Variants in ASH1L observed in about 807,000 individuals in gnomAD.
The protein encoded by ASH1L is ASH1 like histone lysine methyltransferase.
A neutral mutation model predicts 269.0 loss-of-function variants in ASH1L; 23 were observed. The observed-to-expected ratio is 0.09, with a 90% CI of 0.06 to 0.12. The LOEUF (loss-of-function observed/expected upper bound fraction) is 0.12, where lower values mean the gene tolerates loss of function less well. ASH1L is among the 10% of genes least tolerant of loss of function. The pLI, the probability that ASH1L is intolerant of heterozygous loss-of-function variation, is 1.00. For synonymous variants in ASH1L, 1,187 were observed against 1,253.5 expected, an observed-to-expected ratio of 0.95 and a Z score of 1.12; for missense variants, 2,912 against 3,567.8, an observed-to-expected ratio of 0.82 and a Z score of 4.68.
intron 1 of ASH1L, among the ~76,000 whole-genome samples, chr1:155,556,830 C>A (rs1441185262): frequency 6.6e-6 from 1 of 152,016 alleles, no homozygotes; most frequent in East Asian, 1.9e-4. Context: ...GGGAGGACTG[C>A]TGAAGTTCGA....
chr1:155,520,714 T>TATGC (rs1668828546), intron 2 of ASH1L, among the ~76,000 whole-genome samples: 1 of 151,656 alleles, frequency 6.6e-6, no homozygotes, highest in South Asian at 2.1e-4. Context: ...AACACAAAAT[T>TATGC]AGCTCGGTGT....
At chr1:155,525,625 T>C (rs959568719) in intron 1 of ASH1L, among the ~76,000 whole-genome samples, 2 of 151,894 alleles carry the variant, frequency 1.3e-5, no homozygotes, top group African/African-American at 2.4e-5. Flanking sequence ...AGAAAAAAAC[T>C]TACGGCACCA....
chr1:155,354,762 A>G lies in ASH1L; in HGVS notation c.7056-132T>C, dbSNP rs1353569614. 4 of 764,134 alleles carry G rather than the reference A, an allele frequency of 5.2e-6. No homozygotes were observed. In the East Asian group the frequency reaches 1.1e-4, roughly 22 times the overall value. The allele number at this position is 764,134 out of a possible 1,614,324, so 47.3% of individuals were successfully genotyped here. On this transcript the variant is annotated intron_variant, in intron 15 of 27. Transcript: ENST00000392403. ...GTTGTAAAGAGAATTATATGGGCAA[A>G]GCATTACTCAATTTTGTATCTTCAA... is the stretch of plus-strand genomic sequence containing the variant.
In ASH1L at chr1:155,481,956, A is replaced by T; in HGVS notation, c.914T>A (p.Val305Glu). ...AAVGLVNKDS[V>E]KKLGTGTTAV... Reference sequence around the variant, plus strand: ...TGTAGTGCCAGTTCCCAGTTTTTTCACAGAGTCCTTATTGACCAATCCTAC... The same window carrying T: ...TGTAGTGCCAGTTCCCAGTTTTTTCTCAGAGTCCTTATTGACCAATCCTAC... The change falls in exon 3 of 28, where the codon GTG becomes GAG. Residue 305 changes from valine (V) to glutamate (E), a missense_variant. Val to Glu is a moderately radical substitution (Grantham distance 121, BLOSUM62 -2). Around this residue, in one of 13 missense-constraint regions of ASH1L, gnomAD observed 277 missense variants for 367.7 expected, o/e 0.75. Coordinates refer to ENST00000392403, the MANE Select transcript of ASH1L (RefSeq NM_018489.3). 1 of 1,614,012 alleles carries T rather than the reference A, an allele frequency of 6.2e-7. No homozygotes were observed. The highest frequency in any genetic ancestry group is 1.1e-5 in the South Asian group (1 of 91,078).
intron 5 of ASH1L, among the ~76,000 whole-genome samples, chr1:155,430,703 T>C (rs917203334): frequency 1.3e-5 from 2 of 152,242 alleles, no homozygotes; most frequent in Admixed American, 1.3e-4. Flanking sequence ...GTTATACATT[T>C]GCCTTATTTT....
In ASH1L at chr1:155,480,644, A is replaced by T. The variant is rs992356952; in HGVS notation, c.2226T>A (p.Phe742Leu). 2 of 1,613,948 alleles carry T rather than the reference A, an allele frequency of 1.2e-6. No individual in the cohort carries two copies. The highest frequency in any genetic ancestry group is 2.2e-5 in the South Asian group (2 of 91,078). ...KGLELERSELFKNVSCSSLSN... is the reference protein window; with the variant it reads ...KGLELERSELLKNVSCSSLSN... ...ATAGTGAGCTACATGAAACGTTTTT[A>T]AAAAGCTCTGATCTTTCTAATTCTA... Residue 742 changes from phenylalanine (F) to leucine (L), a missense_variant, in exon 3 of 28, where the codon TTT (phenylalanine) becomes TTA (leucine). Around this residue, in one of 13 missense-constraint regions of ASH1L, gnomAD observed 715 missense variants for 721.0 expected, o/e 0.99. Transcript: ENST00000392403.
At chr1:155,511,113 C>A (rs1668132711) in intron 2 of ASH1L, among the ~76,000 whole-genome samples, 1 of 152,050 alleles carries the variant, frequency 6.6e-6, no homozygotes, top group Non-Finnish European at 1.5e-5. Flanking sequence ...ATATGTGATA[C>A]ATAAATCATC....
At chr1:155,371,451 G>T (rs2148417228) in intron 10 of ASH1L, among the ~76,000 whole-genome samples, 1 of 152,278 alleles carries the variant, frequency 6.6e-6, no homozygotes, top group East Asian at 1.9e-4. Flanking sequence ...GGGAGGCTGA[G>T]GCAGGAGAGT....
intron 6 of ASH1L, among the ~76,000 whole-genome samples, chr1:155,411,789 C>T (rs918798805): frequency 6.0e-5 from 9 of 150,092 alleles, no homozygotes; most frequent in Non-Finnish European, 1.2e-4. Context: ...CCAAGAAAAC[C>T]CTCACTCCAG....
chr1:155,414,052 A>C (rs1316076087), intron 6 of ASH1L, among the ~76,000 whole-genome samples: 1 of 152,218 alleles, frequency 6.6e-6, no homozygotes, highest in Non-Finnish European at 1.5e-5. Flanking sequence ...TATGGTTTAC[A>C]TGTCAATTAC....
Position 155,484,943 on chromosome 1 carries a change from A to C in ASH1L, c.421-2494T>G, listed in dbSNP as rs1213503846. Among the ~76,000 whole-genome samples, 31 of 117,084 alleles carry C rather than the reference A, an allele frequency of 2.6e-4. 1 individual carries two copies. Among genetic ancestry groups the C allele is most frequent in the South Asian group, 8.2e-4 (3 of 3,660 alleles). 76.8% of individuals were successfully genotyped at this position (117,084 alleles called of 152,430 possible). ...TGCTCTGTCTCAAAAAAAAAAAAAA[A>C]CAAAAACAAAAACAAAAACAAAAAC... On this transcript the variant is annotated intron_variant, in intron 2 of 27. Transcript: ENST00000392403.
intron 3 of ASH1L, among the ~76,000 whole-genome samples, chr1:155,466,665 G>A (rs935284302): frequency 2.0e-5 from 3 of 152,108 alleles, no homozygotes; most frequent in Non-Finnish European, 4.4e-5. Context: ...AGAGTATTTT[G>A]GGTATCCATC....
At chr1:155,512,080 G>T (rs934487352) in intron 2 of ASH1L, among the ~76,000 whole-genome samples, 1 of 152,076 alleles carries the variant, frequency 6.6e-6, no homozygotes, top group Non-Finnish European at 1.5e-5. Context: ...CCAAAGTGCT[G>T]GGATTACAGG....
chr1:155,446,607 GTTTC>G (rs1663049734), intron 4 of ASH1L, among the ~76,000 whole-genome samples: 1 of 144,742 alleles, frequency 6.9e-6, no homozygotes, highest in Non-Finnish European at 1.5e-5. Context: ...CTACATTTCA[GTTTC>G]TTTTTTTTTT....
At chr1:155,433,532 C>A (rs1553256443) in intron 5 of ASH1L, 2 of 1,610,302 alleles carry the variant, frequency 1.2e-6, no homozygotes, top group Non-Finnish European at 8.5e-7. Context: ...CTGCACCGTC[C>A]CCCCTGGTGC....
intron 24 of ASH1L, among the ~76,000 whole-genome samples, chr1:155,342,574 G>A (rs983666149): frequency 1.3e-5 from 2 of 152,190 alleles, no homozygotes; most frequent in African/African-American, 4.8e-5. Context: ...ATGATTCTGA[G>A]AGAACAGTCT....
At chr1:155,400,576 T>C (rs1294592572) in intron 6 of ASH1L, among the ~76,000 whole-genome samples, 1 of 152,188 alleles carries the variant, frequency 6.6e-6, no homozygotes, top group African/African-American at 2.4e-5. Context: ...CAAATTCATA[T>C]AACTAGTAAC....
chr1:155,409,602 G>A (rs772042860), intron 6 of ASH1L, among the ~76,000 whole-genome samples: 54 of 152,188 alleles, frequency 3.5e-4, no homozygotes, highest in Non-Finnish European at 6.8e-4. Flanking sequence ...CAATATTCCT[G>A]CCATGATTTT....
At chr1:155,342,329 T>C (rs755617097) in intron 24 of ASH1L, among the ~76,000 whole-genome samples, 4 of 152,094 alleles carry the variant, frequency 2.6e-5, no homozygotes, top group Non-Finnish European at 5.9e-5. Flanking sequence ...TGGATGGAAA[T>C]AAACCAGAAA....
Sources: gnomAD v4.1 joint callset for allele counts (sites outside exome capture counted in the v4.1 genomes callset) on GRCh38, gnomAD v4.1.1 for gene constraint, gnomAD v4.1.1 regional missense constraint, MANE v1.5 for transcripts, NCBI Gene and HGNC (gene_info 2026-07-23, HGNC 2026-07-21) for gene names.